The following CDC42BPB variants were observed in gnomAD, a reference collection of about 807,000 sequenced individuals.
CDC42BPB encodes the protein serine/threonine-protein kinase MRCK beta.
A neutral mutation model predicts 214.9 loss-of-function variants in CDC42BPB; 37 were observed. The ratio of observed to expected loss-of-function variants is 0.17; its 90% CI spans 0.13 to 0.23. The LOEUF is 0.23. Among genes scored for constraint, CDC42BPB ranks in the 10% least tolerant of loss-of-function variants. CDC42BPB has a pLI of 1.00. For synonymous variants in CDC42BPB, 931 were observed against 884.0 expected (o/e 1.05, Z -0.94); for missense variants, 1,694 against 2,227.0 (o/e 0.76, Z 4.82).
At chr14:102,981,330 C>CA (rs1203851779) in intron 7 of CDC42BPB, 1 of 291,370 alleles carries the variant, frequency 3.4e-6, no homozygotes, top group Non-Finnish European at 5.1e-6. Flanking sequence ...GCAGCCCCGT[C>CA]AGAATGCACA....
intron 1 of CDC42BPB, among the ~76,000 whole-genome samples, chr14:103,045,449 C>A (rs1888236323): frequency 6.6e-6 from 1 of 152,128 alleles, no homozygotes; most frequent in Non-Finnish European, 1.5e-5. Context: ...CCACAGGGAC[C>A]CCTGCACCCT....
intron 29 of CDC42BPB, 99 bp downstream of exon 29, chr14:102,945,563 G>C (rs532321975): frequency 6.5e-6 from 7 of 1,083,756 alleles, no homozygotes; most frequent in Non-Finnish European, 8.3e-6. Flanking sequence ...TTCATCAAGC[G>C]CATTTGTCTT....
chr14:103,014,270 T>C (rs535894272), intron 1 of CDC42BPB, among the ~76,000 whole-genome samples: 6 of 151,376 alleles, frequency 4.0e-5, no homozygotes, highest in Non-Finnish European at 8.8e-5. Context: ...ACTGTCTGAC[T>C]CCAGACCAGC....
chr14:102,939,814 G>A lies in CDC42BPB; in HGVS notation c.4709+16C>T. 6.2e-7 allele frequency: 1 copy of A among 1,614,014 alleles called. No homozygotes were observed. The highest frequency in any genetic ancestry group is 2.2e-5 in the East Asian group (1 of 44,880). ...TAGAGCGAGGCCCAGCAGGCCCCGTGAGGCCCCGCTCCTACCGCCTCTGCT... is the reference window on the plus strand; with the variant it reads ...TAGAGCGAGGCCCAGCAGGCCCCGTAAGGCCCCGCTCCTACCGCCTCTGCT... On this transcript the variant is annotated intron_variant, in intron 33 of 36. Transcript: ENST00000361246.
At chr14:103,013,684 G>A (rs1252410735) in intron 1 of CDC42BPB, among the ~76,000 whole-genome samples, 1 of 152,260 alleles carries the variant, frequency 6.6e-6, no homozygotes, top group Non-Finnish European at 1.5e-5. Flanking sequence ...AGAGGCGAGA[G>A]TGATGCGGCC....
At position 102,963,689 on chromosome 14, in the gene CDC42BPB, T is replaced by G. The variant is rs950597591; in HGVS notation, c.2727-534A>C. Among the ~76,000 whole-genome samples the G allele has an allele frequency of 3.3e-5, 5 of 152,220 alleles. No individual in the cohort carries two copies. The East Asian group carries it at 9.6e-4, about 29-fold the overall frequency. ...GTGGGGTGACAGTGGGCAAATCACC[T>G]GCGGAGTGTGTGTAAGTGGGAGTAA... is the stretch of plus-strand genomic sequence containing the variant. On this transcript the variant is annotated intron_variant, in intron 19 of 36. Coordinates refer to ENST00000361246, the MANE Select transcript of CDC42BPB (RefSeq NM_006035.4).
At chr14:102,945,477 A>C (rs544139896) in intron 29 of CDC42BPB, 185 bp downstream of exon 29, 2 of 597,112 alleles carry the variant, frequency 3.3e-6, no homozygotes, top group South Asian at 3.8e-5. Context: ...AACTCGATGG[A>C]TGTGATACGC....
At chr14:102,988,270 G>A (rs1261778860) in intron 5 of CDC42BPB, among the ~76,000 whole-genome samples, 1 of 150,434 alleles carries the variant, frequency 6.6e-6, no homozygotes, top group African/African-American at 2.4e-5. Context: ...AGGCCCAACA[G>A]ATGCATAACT....
At chr14:102,985,307 G>A (rs188197061) in intron 6 of CDC42BPB, among the ~76,000 whole-genome samples, 1 of 150,442 alleles carries the variant, frequency 6.6e-6, no homozygotes, top group Non-Finnish European at 1.5e-5. Flanking sequence ...TGGAGGTGAG[G>A]AGGGTAACCC....
At chr14:102,948,643 G>C (rs1439268658) in intron 26 of CDC42BPB, among the ~76,000 whole-genome samples, 1 of 86,370 alleles carries the variant, frequency 1.2e-5, no homozygotes, top group African/African-American at 4.6e-5. Flanking sequence ...GGGGAGTGGG[G>C]GGTGGGTTTG....
In CDC42BPB at chr14:103,034,928, T is replaced by C. The variant is rs560763601; in HGVS notation, c.175+22071A>G. Among the ~76,000 whole-genome samples the C allele has an allele frequency of 3.3e-5, 5 of 152,210 alleles. No individual in the cohort carries two copies. The East Asian group carries it at 9.6e-4, about 29-fold the overall frequency. ...TTTCTTTCCTTAATATTAAACAAAGTTTTATTTATATTACAAACCAATTAT... is the reference window on the plus strand; with the variant it reads ...TTTCTTTCCTTAATATTAAACAAAGCTTTATTTATATTACAAACCAATTAT... On this transcript the variant is annotated intron_variant, in intron 1 of 36. Coordinates refer to ENST00000361246, the MANE Select transcript of CDC42BPB (RefSeq NM_006035.4).
intron 4 of CDC42BPB, among the ~76,000 whole-genome samples, chr14:103,000,200 A>G (rs1310072025): frequency 2.0e-5 from 3 of 152,268 alleles, no homozygotes; most frequent in Non-Finnish European, 1.5e-5. Flanking sequence ...AATTACTTAT[A>G]GGTTCACTCC....
At chr14:102,934,772 G>A (rs543716769) in intron 36 of CDC42BPB, among the ~76,000 whole-genome samples, 1 of 152,176 alleles carries the variant, frequency 6.6e-6, no homozygotes, top group East Asian at 1.9e-4. Context: ...AGCACTTTGG[G>A]AGGCCAAGGT....
chr14:102,941,431 G>T (rs1015134390), intron 30 of CDC42BPB: 2 of 985,344 alleles, frequency 2.0e-6, no homozygotes, highest in African/African-American at 3.5e-5. Flanking sequence ...AACAGGGTTT[G>T]CAAGAAAGAC....
In CDC42BPB at chr14:102,989,595, G is replaced by A. The variant is rs148983753; in HGVS notation, c.597-3015C>T. 5.9e-5 allele frequency among the ~76,000 whole-genome samples: 9 copies of A among 152,340 alleles called. No homozygotes were observed. The East Asian group carries it at 7.7e-4, about 13-fold the overall frequency. Reference sequence around the variant, plus strand: ...CATAAAAAAGAATGAAGAGCAGGCCGGGTGCGATGGCTCACGCCTGTAATC... The same window carrying A: ...CATAAAAAAGAATGAAGAGCAGGCCAGGTGCGATGGCTCACGCCTGTAATC... On this transcript the variant is annotated intron_variant, in intron 5 of 36. Coordinates refer to ENST00000361246, the MANE Select transcript of CDC42BPB (RefSeq NM_006035.4).
At chr14:102,937,644 G>A (rs1209309689) in intron 36 of CDC42BPB, among the ~76,000 whole-genome samples, 2 of 152,252 alleles carry the variant, frequency 1.3e-5, no homozygotes, top group Admixed American at 1.3e-4. Flanking sequence ...AGAGCAGTGT[G>A]GCTGAGCTGC....
intron 1 of CDC42BPB, among the ~76,000 whole-genome samples, chr14:103,016,904 G>A (rs1595150421): frequency 6.6e-6 from 1 of 152,144 alleles, no homozygotes; most frequent in African/African-American, 2.4e-5. Flanking sequence ...TCCAACATAG[G>A]ACAGGGCTCC....
At chr14:103,000,271 T>C (rs994052422) in intron 4 of CDC42BPB, among the ~76,000 whole-genome samples, 1 of 152,230 alleles carries the variant, frequency 6.6e-6, no homozygotes, top group African/African-American at 2.4e-5. Context: ...AGAAAAAACA[T>C]CTGCTAACAG....
In CDC42BPB at chr14:102,944,754, C is replaced by CT; in HGVS notation, c.3812-268dup. The CT allele has an allele frequency of 1.3e-6, 1 of 750,528 alleles. No individual in the cohort carries two copies. Among genetic ancestry groups the CT allele is most frequent in the Non-Finnish European group, 1.6e-6 (1 of 615,612 alleles). The allele number at this position is 750,528 out of a possible 1,614,324, so 46.5% of individuals were successfully genotyped here. On this transcript the variant is annotated intron_variant, in intron 29 of 36. Coordinates refer to ENST00000361246, the MANE Select transcript of CDC42BPB (RefSeq NM_006035.4). This position sits in a 1 kb window ranked among gnomAD's most constrained non-coding sequence, Gnocchi z 6.6. Reference sequence around the variant, plus strand: ...TCCAAAGGCTCCTCTGCCTCTGCTGCTGTGCACACCCCTCAGTGCACCAGG... The same window carrying CT: ...TCCAAAGGCTCCTCTGCCTCTGCTGCTTGTGCACACCCCTCAGTGCACCAGG...
Sources: allele counts gnomAD v4.1 joint callset (sites outside exome capture counted in the v4.1 genomes callset), GRCh38; gene constraint gnomAD v4.1.1; non-coding constraint Gnocchi (gnomAD v3.1); transcripts MANE v1.5; gene names NCBI Gene and HGNC (gene_info 2026-07-23, HGNC 2026-07-21).